The following GAS7 variants were observed in gnomAD, a reference collection of about 807,000 sequenced individuals.
GAS7 encodes the protein growth arrest-specific protein 7.
A neutral mutation model predicts 71.1 loss-of-function variants in GAS7; 28 were observed. The ratio of observed to expected loss-of-function variants is 0.39; its 90% CI spans 0.29 to 0.54. GAS7 has a LOEUF of 0.54. GAS7 is among the 20% of genes least tolerant of loss of function. The pLI is 0.62. For missense variants in GAS7, 436 were observed against 627.8 expected, an observed-to-expected ratio of 0.69 and a Z score of 3.27; for synonymous variants, 258 against 245.8, an observed-to-expected ratio of 1.05 and a Z score of -0.46.
intron 1 of GAS7, among the ~76,000 whole-genome samples, chr17:10,179,270 A>G (rs1389457441): frequency 1.3e-5 from 2 of 151,920 alleles, no homozygotes; most frequent in Non-Finnish European, 2.9e-5. Context: ...CGGATGTTGC[A>G]GTGAGCCGAG....
chr17:10,020,349 C>T (rs1313284137), intron 1 of GAS7, among the ~76,000 whole-genome samples: 1 of 152,188 alleles, frequency 6.6e-6, no homozygotes, highest in African/African-American at 2.4e-5. Context: ...TAATGCAAGT[C>T]ATCCCACAGC....
At chr17:9,963,633 T>C (rs1473753759) in intron 4 of GAS7, among the ~76,000 whole-genome samples, 1 of 151,826 alleles carries the variant, frequency 6.6e-6, no homozygotes, top group Non-Finnish European at 1.5e-5. Context: ...TTTGAGAGGT[T>C]GAGGTGGAAG....
chr17:10,092,547 A>T (rs1233771812), intron 1 of GAS7, among the ~76,000 whole-genome samples: 1 of 152,240 alleles, frequency 6.6e-6, no homozygotes, highest in African/African-American at 2.4e-5. Flanking sequence ...CCCAAGGGAC[A>T]TCTTGGCAGG....
chr17:10,148,778 C>T (rs534040886), intron 1 of GAS7, among the ~76,000 whole-genome samples: 4 of 146,086 alleles, frequency 2.7e-5, no homozygotes, highest in Admixed American at 1.4e-4. Flanking sequence ...GGCATGGTGG[C>T]GGGTGCCTGC....
intron 1 of GAS7, among the ~76,000 whole-genome samples, chr17:10,042,956 A>T (rs1296564130): frequency 6.6e-6 from 1 of 152,148 alleles, no homozygotes; most frequent in Non-Finnish European, 1.5e-5. Flanking sequence ...GAGTCTGTTG[A>T]CCATGGATCC....
At chr17:9,953,622 C>T (rs1281392697) in intron 5 of GAS7, among the ~76,000 whole-genome samples, 1 of 152,250 alleles carries the variant, frequency 6.6e-6, no homozygotes, top group Non-Finnish European at 1.5e-5. Flanking sequence ...GCTCCAGCCT[C>T]GACCACGAAG....
intron 1 of GAS7, among the ~76,000 whole-genome samples, chr17:10,194,574 T>A (rs2074526311): frequency 6.6e-6 from 1 of 152,216 alleles, no homozygotes; most frequent in Non-Finnish European, 1.5e-5. Context: ...TTCCCAGGTC[T>A]ATGGAGGCAA....
intron 9 of GAS7, among the ~76,000 whole-genome samples, chr17:9,928,898 C>A (rs2068108700): frequency 6.6e-6 from 1 of 152,208 alleles, no homozygotes; most frequent in Non-Finnish European, 1.5e-5. Context: ...GACAAGAAGA[C>A]AGCTTTGTCG....
intron 2 of GAS7, among the ~76,000 whole-genome samples, chr17:10,000,740 A>G (rs7210120): frequency 0.24 from 35,799 of 152,078 alleles, 6,430 homozygotes; most frequent in African/African-American, 0.51. Context: ...GTGGGATCGC[A>G]GCATTCAAAA....
At chr17:10,089,076 G>A (rs1344048022) in intron 1 of GAS7, among the ~76,000 whole-genome samples, 2 of 151,932 alleles carry the variant, frequency 1.3e-5, no homozygotes, top group Non-Finnish European at 2.9e-5. Context: ...CAGGAGAATC[G>A]CTTGAACCCA....
intron 4 of GAS7, among the ~76,000 whole-genome samples, chr17:9,962,763 C>T (rs955934318): frequency 2.0e-5 from 3 of 152,134 alleles, no homozygotes; most frequent in African/African-American, 7.2e-5. Context: ...TCACAGATGA[C>T]TGACAAATTA....
intron 2 of GAS7, among the ~76,000 whole-genome samples, chr17:9,982,711 G>T (rs1488531156): frequency 6.6e-6 from 1 of 151,874 alleles, no homozygotes; most frequent in Non-Finnish European, 1.5e-5. Context: ...GGGAGGCAGA[G>T]GTTGCAGTGA....
At chr17:10,161,798 C>T (rs769696823) in intron 1 of GAS7, among the ~76,000 whole-genome samples, 4 of 152,184 alleles carry the variant, frequency 2.6e-5, no homozygotes, top group Non-Finnish European at 4.4e-5. Context: ...GGTGCGGTGG[C>T]TCATGCGTGT....
intron 1 of GAS7, among the ~76,000 whole-genome samples, chr17:10,073,440 T>G (rs775783468): frequency 3.3e-5 from 5 of 152,114 alleles, no homozygotes; most frequent in Admixed American, 3.3e-4. Context: ...AAGCACAGGA[T>G]CATTTTGCTG....
chr17:10,037,202 GAA>G (rs2072770204), intron 1 of GAS7, among the ~76,000 whole-genome samples: 1 of 152,332 alleles, frequency 6.6e-6, no homozygotes, highest in Non-Finnish European at 1.5e-5. Context: ...GGTCTCCACT[GAA>G]AGGGGCCTGA....
chr17:10,072,588 A>G (rs1442076991), intron 1 of GAS7, among the ~76,000 whole-genome samples: 1 of 152,152 alleles, frequency 6.6e-6, no homozygotes, highest in African/African-American at 2.4e-5. Flanking sequence ...GCCTTCAAAT[A>G]TGCTTTCTGT....
At chr17:10,179,110 A>C (rs935837592) in intron 1 of GAS7, among the ~76,000 whole-genome samples, 1 of 152,006 alleles carries the variant, frequency 6.6e-6, no homozygotes, top group Non-Finnish European at 1.5e-5. Flanking sequence ...TGGGCGGATC[A>C]CCTGAGGTCG....
At position 10,034,282 on chromosome 17, in the gene GAS7, A is replaced by G. The variant is rs2072693013; in HGVS notation, c.184-14385T>C. 2.3e-6 allele frequency: 2 copies of G among 855,974 alleles called. No homozygotes were observed. The highest frequency in any genetic ancestry group is 2.8e-6 in the Non-Finnish European group (2 of 712,354). The allele number at this position is 855,974 out of a possible 1,614,324, so 53.0% of individuals were successfully genotyped here. On this transcript the variant is annotated intron_variant, in intron 1 of 13. Transcript: ENST00000432992. This position sits in a 1 kb window ranked among gnomAD's most constrained non-coding sequence, Gnocchi z 4.4. The stretch of plus-strand genomic sequence containing the variant: ...CCAGATGGTCTCCAAGGGCTTTCAT[A>G]TATACATATATATAGCCTAATACTT...
chr17:10,067,060 T>C (rs1002749774), intron 1 of GAS7, among the ~76,000 whole-genome samples: 1 of 152,144 alleles, frequency 6.6e-6, no homozygotes, highest in Admixed American at 6.5e-5. Context: ...CTCTCTTTGC[T>C]GACACTGCAG....
Sources: gnomAD v4.1 joint callset for allele counts (sites outside exome capture counted in the v4.1 genomes callset) on GRCh38, gnomAD v4.1.1 for gene constraint, Gnocchi (gnomAD v3.1) non-coding constraint, MANE v1.5 for transcripts, NCBI Gene and HGNC (gene_info 2026-07-23, HGNC 2026-07-21) for gene names.